The following PPM1L variants were observed in gnomAD, a reference collection of about 807,000 sequenced individuals.
The protein encoded by PPM1L is protein phosphatase 1L.
PPM1L carries 13 observed loss-of-function variants against 31.4 expected under a neutral mutation model. The ratio of observed to expected loss-of-function variants is 0.41; its 90% CI spans 0.27 to 0.66. The LOEUF (loss-of-function observed/expected upper bound fraction) is 0.66. PPM1L is among the 30% of genes least tolerant of loss of function. PPM1L has a pLI of 0.29. For synonymous variants in PPM1L, 184 were observed against 175.4 expected (o/e 1.05, Z -0.39); for missense variants, 326 against 453.7 (o/e 0.72, Z 2.56).
At position 160,756,413 on chromosome 3, in the gene PPM1L, A is replaced by C. The variant is rs139480252; in HGVS notation, c.105A>C (p.Leu35=). 15 of 1,614,046 alleles carry C rather than the reference A, an allele frequency of 9.3e-6. No homozygotes were observed. Among genetic ancestry groups the C allele is most frequent in the African/African-American group, 2.7e-5 (2 of 74,936 alleles). Residue 35 remains leucine, a synonymous_variant, in exon 1 of 4, where the codon CTA becomes CTC. Transcript: ENST00000498165. This position sits in a 1 kb window ranked among gnomAD's most constrained non-coding sequence, Gnocchi z 6.2. Reference sequence around the variant, plus strand: ...TCCTGCTGTGCATCAGCTTGGCTCTATGGAGTTACTTCTTCCACACCGACG... The same window carrying C: ...TCCTGCTGTGCATCAGCTTGGCTCTCTGGAGTTACTTCTTCCACACCGACG... ...TLFLLCISLA[L]WSYFFHTDEV... is the part of the protein sequence containing the mutation.
At chr3:160,770,885 G>A (rs1715236188) in intron 1 of PPM1L, among the ~76,000 whole-genome samples, 1 of 152,092 alleles carries the variant, frequency 6.6e-6, no homozygotes, top group South Asian at 2.1e-4. Flanking sequence ...AGAAATAGTG[G>A]CTGCTTGCGG....
intron 1 of PPM1L, among the ~76,000 whole-genome samples, chr3:160,919,548 G>A (rs1459290426): frequency 6.6e-6 from 1 of 152,192 alleles, no homozygotes. Flanking sequence ...GACGTCTGTT[G>A]CAAATATTGC....
At chr3:161,007,375 T>G (rs878979081) in intron 2 of PPM1L, among the ~76,000 whole-genome samples, 3 of 152,144 alleles carry the variant, frequency 2.0e-5, no homozygotes, top group African/African-American at 7.2e-5. Flanking sequence ...AAAGTGTGTT[T>G]CACATAGAGG....
intron 3 of PPM1L, among the ~76,000 whole-genome samples, chr3:161,067,235 C>A (rs565227297): frequency 6.6e-6 from 1 of 152,346 alleles, no homozygotes; most frequent in Admixed American, 6.5e-5. Flanking sequence ...GTCATACCCA[C>A]TACCCACGCC....
intron 2 of PPM1L, among the ~76,000 whole-genome samples, chr3:160,965,476 C>A (rs1306203727): frequency 2.6e-5 from 4 of 151,998 alleles, no homozygotes; most frequent in Non-Finnish European, 4.4e-5. Context: ...ACTTTATTCC[C>A]TTTATTATAA....
At chr3:160,926,057 G>T (rs1576718793) in intron 1 of PPM1L, among the ~76,000 whole-genome samples, 1 of 152,180 alleles carries the variant, frequency 6.6e-6, no homozygotes, top group Non-Finnish European at 1.5e-5. Context: ...GACGGGTCTT[G>T]TATCTAGGAA....
At chr3:160,962,818 A>G (rs533428144) in intron 2 of PPM1L, among the ~76,000 whole-genome samples, 1 of 152,002 alleles carries the variant, frequency 6.6e-6, no homozygotes, top group Non-Finnish European at 1.5e-5. Flanking sequence ...AAAACAAAAC[A>G]TTATACTACA....
intron 2 of PPM1L, among the ~76,000 whole-genome samples, chr3:161,026,808 G>A (rs1367449362): frequency 6.6e-6 from 1 of 151,094 alleles, no homozygotes; most frequent in Non-Finnish European, 1.5e-5. Flanking sequence ...AAGGAACAAG[G>A]TAATGGGTGG....
intron 2 of PPM1L, among the ~76,000 whole-genome samples, chr3:161,006,648 C>T (rs1717716189): frequency 6.6e-6 from 1 of 150,456 alleles, no homozygotes; most frequent in African/African-American, 2.4e-5. Context: ...GCTTTTATGC[C>T]ATCAAACACT....
chr3:160,944,813 T>TATATGTTATATATATAACATATATAAC (rs1482095270), intron 1 of PPM1L, among the ~76,000 whole-genome samples: 1 of 15,576 alleles, frequency 6.4e-5, no homozygotes, highest in African/African-American at 1.8e-4. Flanking sequence ...ATATATAACA[T>TATATGTTATATATATAACATATATAAC]ATATATGTTA....
intron 2 of PPM1L, among the ~76,000 whole-genome samples, chr3:161,009,845 C>G (rs1717832640): frequency 6.6e-6 from 1 of 152,004 alleles, no homozygotes; most frequent in Non-Finnish European, 1.5e-5. Flanking sequence ...TTGACTTGCT[C>G]TATACTATTA....
chr3:160,775,152 A>T (rs1414180630), intron 1 of PPM1L, among the ~76,000 whole-genome samples: 2 of 152,196 alleles, frequency 1.3e-5, no homozygotes, highest in Non-Finnish European at 2.9e-5. Flanking sequence ...ACAGTTGGGG[A>T]AACTGAAGCT....
At chr3:160,848,593 T>C (rs1223867002) in intron 1 of PPM1L, among the ~76,000 whole-genome samples, 1 of 152,232 alleles carries the variant, frequency 6.6e-6, no homozygotes, top group South Asian at 2.1e-4. Context: ...TGTCCTTCTC[T>C]ACCTTGCACT....
At chr3:160,922,234 T>C (rs1022327205) in intron 1 of PPM1L, among the ~76,000 whole-genome samples, 3 of 151,936 alleles carry the variant, frequency 2.0e-5, no homozygotes, top group Middle Eastern at 3.2e-3. Context: ...GGCGTGAACC[T>C]GGGAGGTGGA....
At chr3:160,882,397 A>G (rs1301265138) in intron 1 of PPM1L, 2 of 152,232 alleles carry the variant, frequency 1.3e-5, no homozygotes, top group African/African-American at 4.8e-5. Context: ...AAGTATGCAT[A>G]TTTTAGTTAT....
At chr3:160,895,128 G>A (rs1350589980) in intron 1 of PPM1L, among the ~76,000 whole-genome samples, 2 of 152,144 alleles carry the variant, frequency 1.3e-5, no homozygotes, top group African/African-American at 4.8e-5. Flanking sequence ...TCCTCCTTTG[G>A]TGAGCTGATG....
At chr3:160,832,861 A>G (rs537386071) in intron 1 of PPM1L, among the ~76,000 whole-genome samples, 11 of 152,170 alleles carry the variant, frequency 7.2e-5, no homozygotes, top group African/African-American at 2.7e-4. Flanking sequence ...CTATCAACCC[A>G]TCCCCTAGAT....
At chr3:160,822,289 A>G (rs889924851) in intron 1 of PPM1L, among the ~76,000 whole-genome samples, 12 of 151,990 alleles carry the variant, frequency 7.9e-5, no homozygotes, top group African/African-American at 2.9e-4. Context: ...ACAATATGAG[A>G]TCATCCCATG....
At chr3:160,861,115 A>G (rs1711870910) in intron 1 of PPM1L, among the ~76,000 whole-genome samples, 1 of 152,204 alleles carries the variant, frequency 6.6e-6, no homozygotes, top group Non-Finnish European at 1.5e-5. Flanking sequence ...CACGTAGTGT[A>G]TCATCAGTGG....
Sources: gnomAD v4.1 joint callset for allele counts (sites outside exome capture counted in the v4.1 genomes callset) on GRCh38, gnomAD v4.1.1 for gene constraint, Gnocchi (gnomAD v3.1) non-coding constraint, MANE v1.5 for transcripts, NCBI Gene and HGNC (gene_info 2026-07-23, HGNC 2026-07-21) for gene names.